TTC7A: variants seen among roughly 807,000 people sequenced by gnomAD.
TTC7A encodes tetratricopeptide repeat domain 7A, also known as tetratricopeptide repeat protein 7A.
Under a neutral mutation model 103.7 loss-of-function variants are expected in TTC7A, and 110 were observed. That is an observed-to-expected ratio of 1.06 (90% CI 0.91 to 1.24). The LOEUF (loss-of-function observed/expected upper bound fraction) is 1.24. TTC7A is among the 50% of genes most tolerant of loss of function. The pLI is 0.00. For synonymous variants in TTC7A, 521 were observed against 467.9 expected, an observed-to-expected ratio of 1.11 and a Z score of -1.47; for missense variants, 1,340 against 1,116.3, an observed-to-expected ratio of 1.20 and a Z score of -2.86.
chr2:47,048,254 G>T (rs1469352395), intron 16 of TTC7A, among the ~76,000 whole-genome samples: 1 of 152,180 alleles, frequency 6.6e-6, no homozygotes, highest in Non-Finnish European at 1.5e-5. Context: ...TCCCCATCTG[G>T]GCTGTAAGGT....
chr2:47,025,257 A>G (rs1679762653), intron 14 of TTC7A, among the ~76,000 whole-genome samples: 1 of 152,184 alleles, frequency 6.6e-6, no homozygotes, highest in South Asian at 2.1e-4. Context: ...AGCCTGGGGA[A>G]GCCCTACCTT....
chr2:47,022,038 T>G, intron 12 of TTC7A, 59 bp downstream of exon 12: 1 of 1,287,648 alleles, frequency 7.8e-7, no homozygotes, highest in Non-Finnish European at 1.1e-6. Flanking sequence ...CCTAACTGCC[T>G]CAGAGGCATC....
chr2:46,936,112 G>T (rs939939594), intron 2 of TTC7A, among the ~76,000 whole-genome samples: 2 of 152,070 alleles, frequency 1.3e-5, no homozygotes, highest in African/African-American at 2.4e-5. Context: ...AAAATAATAA[G>T]AAATAAATAT....
At chr2:47,049,308 C>T (rs1461858348) in intron 16 of TTC7A, among the ~76,000 whole-genome samples, 1 of 152,092 alleles carries the variant, frequency 6.6e-6, no homozygotes, top group African/African-American at 2.4e-5. Flanking sequence ...AGGCTATTTC[C>T]TGGCTCCCCG....
At chr2:47,059,009 CTTTTTTTTTTTTTTTT>C (rs35753980) in intron 18 of TTC7A, among the ~76,000 whole-genome samples, 6 of 44,702 alleles carry the variant, frequency 1.3e-4, no homozygotes, top group Admixed American at 6.7e-4. Flanking sequence ...CCTAAGCCTG[CTTTTTTTTTTTTTTTT>C]TTTTTTTTTT....
At chr2:46,989,910 G>A (rs1675441830) in intron 5 of TTC7A, among the ~76,000 whole-genome samples, 1 of 152,006 alleles carries the variant, frequency 6.6e-6, no homozygotes, top group Non-Finnish European at 1.5e-5. Context: ...CCACTCTGCT[G>A]GTCCAAGAGC....
chr2:46,917,127 C>T, intron 1 of TTC7A: 1 of 695,588 alleles, frequency 1.4e-6, no homozygotes, highest in Admixed American at 2.1e-5. Flanking sequence ...TTGAAATCTG[C>T]CACCCCATCC....
intron 4 of TTC7A, among the ~76,000 whole-genome samples, chr2:46,977,464 C>T (rs1040996148): frequency 3.3e-5 from 5 of 152,114 alleles, no homozygotes; most frequent in African/African-American, 1.2e-4. Context: ...GCAGGAGGAC[C>T]CTGTTAGAGC....
intron 1 of TTC7A, among the ~76,000 whole-genome samples, chr2:46,943,963 C>T (rs1670698573): frequency 6.6e-6 from 1 of 152,186 alleles, no homozygotes; most frequent in Admixed American, 6.5e-5. Flanking sequence ...TCTTTCTGAT[C>T]TGGAGGGATG....
At chr2:46,995,424 A>T (rs769692901) in intron 8 of TTC7A, among the ~76,000 whole-genome samples, 18 of 152,240 alleles carry the variant, frequency 1.2e-4, no homozygotes, top group African/African-American at 4.3e-4. Flanking sequence ...TCTGCCCCCA[A>T]ATAAGTAGAG....
At chr2:46,999,922 G>A in intron 8 of TTC7A, 3 of 984,702 alleles carry the variant, frequency 3.0e-6, no homozygotes, top group Non-Finnish European at 3.6e-6. Context: ...GGACTCTGCA[G>A]ATTAACAGAC....
chr2:46,942,222 C>T (rs1488086617), intron 1 of TTC7A, among the ~76,000 whole-genome samples: 1 of 152,188 alleles, frequency 6.6e-6, no homozygotes, highest in Admixed American at 6.5e-5. Flanking sequence ...TGGCCAGCCT[C>T]AGTTTCCTCA....
intron 11 of TTC7A, among the ~76,000 whole-genome samples, chr2:47,017,539 A>G (rs1255423243): frequency 1.3e-5 from 2 of 152,174 alleles, no homozygotes; most frequent in African/African-American, 4.8e-5. Context: ...CCCATCTCAA[A>G]AATAAAATAA....
intron 19 of TTC7A, among the ~76,000 whole-genome samples, chr2:47,071,877 A>G (rs906553897): frequency 6.6e-6 from 1 of 152,238 alleles, no homozygotes; most frequent in East Asian, 1.9e-4. Context: ...GAAGCTCAAT[A>G]TAGAAAACTT....
chr2:46,929,613 A>T (rs1052443032), intron 2 of TTC7A, among the ~76,000 whole-genome samples: 3 of 152,278 alleles, frequency 2.0e-5, no homozygotes, highest in Non-Finnish European at 4.4e-5. Flanking sequence ...ATCAGTGCTT[A>T]TAGCTAACAC....
chr2:46,953,972 C>G (rs1178258842), intron 2 of TTC7A, among the ~76,000 whole-genome samples: 4 of 151,916 alleles, frequency 2.6e-5, no homozygotes, highest in Admixed American at 2.6e-4. Context: ...CAAGCTCCAT[C>G]TCTTGAGACC....
chr2:47,053,582 G>GGTTGGTTGGTTT (rs1553410743), intron 18 of TTC7A, among the ~76,000 whole-genome samples: 1 of 149,972 alleles, frequency 6.7e-6, no homozygotes, highest in Non-Finnish European at 1.5e-5. Context: ...TTGGTTGGTT[G>GGTTGGTTGGTTT]GTTTTTTGAG....
At chr2:47,028,328 G>A (rs1042275025) in intron 14 of TTC7A, among the ~76,000 whole-genome samples, 37 of 152,196 alleles carry the variant, frequency 2.4e-4, no homozygotes, top group African/African-American at 8.9e-4. Context: ...TGCAGGTGGG[G>A]CCCTGGCCAC....
At chr2:46,958,526 C>G in intron 3 of TTC7A, 4 of 1,304,204 alleles carry the variant, frequency 3.1e-6, no homozygotes, top group African/African-American at 3.0e-5. Flanking sequence ...GAACACAGTC[C>G]CGGTGGTCAG....
Sources: allele counts gnomAD v4.1 joint callset (sites outside exome capture counted in the v4.1 genomes callset), GRCh38; gene constraint gnomAD v4.1.1; transcripts MANE v1.5; gene names NCBI Gene and HGNC (gene_info 2026-07-23, HGNC 2026-07-21).